RIOK2: variants seen among roughly 807,000 people sequenced by gnomAD.
RIOK2 encodes RIO kinase 2, also known as serine/threonine-protein kinase RIO2.
In RIOK2, 46 loss-of-function variants were observed where a neutral mutation model predicts 62.4. That is an observed-to-expected ratio of 0.74 (90% CI 0.58 to 0.94). RIOK2 has a LOEUF of 0.94. Ranked by LOEUF, RIOK2 falls within the 40% of genes least tolerant of loss-of-function variation. RIOK2 has a pLI of 0.00. For missense variants in RIOK2, 574 were observed against 658.0 expected, an observed-to-expected ratio of 0.87 and a Z score of 1.40; for synonymous variants, 197 against 216.0, an observed-to-expected ratio of 0.91 and a Z score of 0.77.
In RIOK2 at chr5:97,167,772, G is replaced by A. The variant is rs757904360; in HGVS notation, c.1092C>T (p.Gly364=). 1.9e-6 allele frequency: 3 copies of A among 1,614,110 alleles called. No individual in the cohort carries two copies. The highest frequency in any genetic ancestry group is 2.5e-6 in the Non-Finnish European group (3 of 1,179,998). The change falls in exon 8 of 10, where the codon GGC becomes GGT. Residue 364 remains glycine (G), a synonymous_variant. Coordinates refer to ENST00000283109, the MANE Select transcript of RIOK2 (RefSeq NM_018343.3). ...SERNCLEESE[G]CYCRSSGDPE... ...GGTCTCCAGATGATCTGCAATAGCA[G>A]CCCTCTGATTCTTCTAGACAGTTCC...
At chr5:97,176,308 C>G (rs370950009) in intron 4 of RIOK2, among the ~76,000 whole-genome samples, 2 of 152,130 alleles carry the variant, frequency 1.3e-5, no homozygotes, top group Non-Finnish European at 2.9e-5. Context: ...TAACCCACTT[C>G]TCTTCATCCT....
intron 8 of RIOK2, chr5:97,166,870 C>A: frequency 1.0e-6 from 1 of 980,974 alleles, no homozygotes; most frequent in Non-Finnish European, 1.2e-6. Flanking sequence ...AAAACCTGAT[C>A]AATGTATCCA....
rs1418388559 is a variant in RIOK2 at position 97,177,769 on chromosome 5, C to T, written c.285G>A (p.Glu95=). 3 of 1,613,076 alleles carry T rather than the reference C, an allele frequency of 1.9e-6. No homozygotes were observed. Among genetic ancestry groups the T allele is most frequent in the African/African-American group, 1.3e-5 (1 of 74,916 alleles). ...LKTLSSRQVV[E]SVGNQMGVGK... Reference sequence around the variant, plus strand: ...CAACACCCATCTGGTTTCCAACAGACTCAACTACTTGCCTAGAAGAAAGTG... The same window carrying T: ...CAACACCCATCTGGTTTCCAACAGATTCAACTACTTGCCTAGAAGAAAGTG... The change falls in exon 3 of 10, where the codon GAG becomes GAA. Residue 95 remains glutamate (E), a synonymous_variant. Transcript: ENST00000283109.
rs528788586 is a variant in RIOK2, at chr5:97,172,526, T to C, written c.587+649A>G. Among the ~76,000 whole-genome samples, 187 of 152,334 alleles carry C rather than the reference T, an allele frequency of 1.2e-3. 1 individual carries two copies. Among genetic ancestry groups the C allele is most frequent in the Non-Finnish European group, 2.0e-3 (139 of 68,030 alleles). On this transcript the variant is annotated intron_variant, in intron 5 of 9. Coordinates refer to ENST00000283109, the MANE Select transcript of RIOK2 (RefSeq NM_018343.3). Reference sequence around the variant, plus strand: ...ATCACTGTAATCAGAATTACAACCATTTCTTGCCTAGATTATTGTAATAGC... The same window carrying C: ...ATCACTGTAATCAGAATTACAACCACTTCTTGCCTAGATTATTGTAATAGC...
intron 8 of RIOK2, chr5:97,166,423 T>C (rs1748842884): frequency 2.5e-6 from 1 of 395,384 alleles, no homozygotes; most frequent in South Asian, 1.9e-5. Context: ...AATAAAACTT[T>C]AAAGATAAAG....
At chr5:97,182,778 C>CGGGGG in intron 1 of RIOK2, 1 of 112,084 alleles carries the variant, frequency 8.9e-6, no homozygotes, top group Non-Finnish European at 1.6e-5. Flanking sequence ...TATCAAATCT[C>CGGGGG]GGGGGGGGGG....
Position 97,179,721 on chromosome 5 carries a change from C to T in RIOK2, c.67-528G>A, listed in dbSNP as rs536385743. On this transcript the variant is annotated intron_variant, in intron 1 of 9. Coordinates refer to ENST00000283109, the MANE Select transcript of RIOK2 (RefSeq NM_018343.3). ...GAAAACTAACACAAGAGCAGAAAACCAAACACCACATTTTCTCACTCATAA... is the reference window on the plus strand; with the variant it reads ...GAAAACTAACACAAGAGCAGAAAACTAAACACCACATTTTCTCACTCATAA... Among the ~76,000 whole-genome samples, 281 of 133,980 alleles carry T rather than the reference C, an allele frequency of 2.1e-3. 2 individuals carry two copies. The highest frequency in any genetic ancestry group is 7.5e-3 in the African/African-American group (270 of 35,908). The allele number at this position is 133,980 out of a possible 152,430, so 87.9% of individuals were successfully genotyped here.
At chr5:97,165,843 C>G (rs1441232933) in intron 8 of RIOK2, among the ~76,000 whole-genome samples, 2 of 152,136 alleles carry the variant, frequency 1.3e-5, no homozygotes, top group Admixed American at 1.3e-4. Flanking sequence ...TATATGTTAA[C>G]TTGACTGGGC....
At position 97,167,896 on chromosome 5, in the gene RIOK2, T is replaced by A; in HGVS notation, c.968A>T (p.Asp323Val). The A allele has an allele frequency of 1.2e-6, 2 of 1,612,950 alleles. No individual in the cohort carries two copies. Among genetic ancestry groups the A allele is most frequent in the Non-Finnish European group, 1.7e-6 (2 of 1,180,012 alleles). ...TCCCTCTTTTGTTTCAATATTTTTA[T>A]CATCTGGACCTAATGGATGAAGCAG... ...DELLHPLGPD[D>V]KNIETKEGSE... Residue 323 changes from aspartate to valine, a missense_variant, in exon 8 of 10, where the codon GAT (aspartate) becomes GTT (valine). Asp to Val is a radical substitution (Grantham distance 152). Coordinates refer to ENST00000283109, the MANE Select transcript of RIOK2 (RefSeq NM_018343.3).
At chr5:97,178,964 C>A in intron 2 of RIOK2, 91 bp downstream of exon 2, 2 of 1,453,302 alleles carry the variant, frequency 1.4e-6, no homozygotes, top group Non-Finnish European at 1.9e-6. Flanking sequence ...CTTTACTAGT[C>A]TGGCAACTTC....
chr5:97,168,880 T>C (rs371210005), intron 6 of RIOK2, 28 bp from the exon 7 acceptor site: 2 of 1,356,728 alleles, frequency 1.5e-6, no homozygotes, highest in East Asian at 2.3e-5. Flanking sequence ...ATTTATGATA[T>C]AGTCTTTATT....
chr5:97,177,262 G>A lies in RIOK2; in HGVS notation c.352C>T (p.Gln118Ter). ...CTGTGAAGCTTTAATGCAAATTGTT[G>A]TCCTTCTTCATTTGCAACAATGTAA... ...DIYIVANEEGQQFALKLHRLG... is the reference protein window; with the variant it reads ...DIYIVANEEG Residue 118 changes from glutamine to a stop codon, truncating the protein, a stop_gained, in exon 4 of 10, where the codon CAA (glutamine) becomes TAA (stop). Coordinates refer to ENST00000283109, the MANE Select transcript of RIOK2 (RefSeq NM_018343.3). LOFTEE classifies it high-confidence loss of function. 1 of 1,612,554 alleles carries A rather than the reference G, an allele frequency of 6.2e-7. No individual in the cohort carries two copies. The highest frequency in any genetic ancestry group is 2.2e-5 in the East Asian group (1 of 44,744).
intron 7 of RIOK2, 48 bp downstream of exon 7, chr5:97,168,701 AAATACACAGAC>A: frequency 9.5e-7 from 1 of 1,052,420 alleles, no homozygotes. Context: ...TAATTTTTAG[AAATACACAGAC>A]CAGATATTTA....
intron 1 of RIOK2, among the ~76,000 whole-genome samples, chr5:97,180,355 C>A (rs1749372091): frequency 6.6e-6 from 1 of 150,680 alleles, no homozygotes. Flanking sequence ...AAGATGTGGG[C>A]ATACAGAGAA....
intron 8 of RIOK2, chr5:97,166,967 G>T: frequency 1.3e-6 from 1 of 758,736 alleles, no homozygotes; most frequent in Non-Finnish European, 1.6e-6. Context: ...CCAGGCTGGA[G>T]TGCAGTGGTA....
intron 6 of RIOK2, among the ~76,000 whole-genome samples, chr5:97,169,190 A>G (rs1406588717): frequency 2.0e-5 from 3 of 152,200 alleles, no homozygotes; most frequent in Non-Finnish European, 2.9e-5. Flanking sequence ...GTTTGGGGAT[A>G]GGTTTCCACT....
chr5:97,183,215 T>G lies in RIOK2; in HGVS notation c.-24A>C, dbSNP rs541708044. 2 of 1,613,802 alleles carry G rather than the reference T, an allele frequency of 1.2e-6. No homozygotes were observed. The highest frequency in any genetic ancestry group is 2.7e-5 in the African/African-American group (2 of 74,906). On this transcript the variant is annotated 5_prime_UTR_variant, in exon 1 of 10. Coordinates refer to ENST00000283109, the MANE Select transcript of RIOK2 (RefSeq NM_018343.3). The stretch of plus-strand genomic sequence containing the variant: ...ATGGCGGCCCCAGTCCGAACCCAGA[T>G]GCCTCTCCGACGACAGCCGCAAAGC...
intron 1 of RIOK2, among the ~76,000 whole-genome samples, chr5:97,180,128 A>ATATATATATATG (rs1561522385): frequency 1.1e-4 from 6 of 54,512 alleles, no homozygotes; most frequent in African/African-American, 2.7e-4. Flanking sequence ...GTGTATATGT[A>ATATATATATATG]TATATATATA....
chr5:97,166,308 C>T, intron 8 of RIOK2: 1 of 455,580 alleles, frequency 2.2e-6, no homozygotes, highest in South Asian at 1.6e-5. Context: ...TCCTTTTAAG[C>T]TTCTGATTTA....
Sources: gnomAD v4.1 joint callset for allele counts (sites outside exome capture counted in the v4.1 genomes callset) on GRCh38, gnomAD v4.1.1 for gene constraint, MANE v1.5 for transcripts, NCBI Gene and HGNC (gene_info 2026-07-23, HGNC 2026-07-21) for gene names.